Variants in ZMAT4 observed in about 807,000 individuals in gnomAD.
ZMAT4 encodes the protein zinc finger matrin-type protein 4.
A neutral mutation model predicts 28.7 loss-of-function variants in ZMAT4; 17 were observed. That is an observed-to-expected ratio of 0.59 (90% CI 0.41 to 0.89). The LOEUF is 0.89. ZMAT4 is among the 40% of genes least tolerant of loss of function. The probability of loss-of-function intolerance (pLI) is 0.00; values close to 1 mark genes in which losing one functional copy is unlikely to be tolerated. For synonymous variants in ZMAT4, 117 were observed against 109.2 expected, an observed-to-expected ratio of 1.07 and a Z score of -0.44; for missense variants, 240 against 283.8, an observed-to-expected ratio of 0.85 and a Z score of 1.11.
At chr8:40,740,015 T>C (rs1403856123) in intron 3 of ZMAT4, among the ~76,000 whole-genome samples, 1 of 152,184 alleles carries the variant, frequency 6.6e-6, no homozygotes, top group Admixed American at 6.5e-5. Flanking sequence ...GGTGTATATG[T>C]TGCCACATTT....
chr8:40,814,482 T>C (rs1325546451), intron 2 of ZMAT4, among the ~76,000 whole-genome samples: 3 of 152,332 alleles, frequency 2.0e-5, no homozygotes, highest in African/African-American at 7.2e-5. Context: ...AACTGATATG[T>C]GCATCACTAC....
intron 5 of ZMAT4, among the ~76,000 whole-genome samples, 197 bp from the exon 6 acceptor site, chr8:40,581,458 G>T (rs1348838236): frequency 6.6e-6 from 1 of 152,176 alleles, no homozygotes; most frequent in Admixed American, 6.5e-5. Context: ...GTTAGAAGCA[G>T]CTTATTTCAT....
Position 40,675,725 on chromosome 8 carries a change from G to A in ZMAT4, c.350-794C>T, listed in dbSNP as rs116948546. 4.8e-3 allele frequency among the ~76,000 whole-genome samples: 737 copies of A among 152,188 alleles called. 3 individuals are homozygous for A. Among genetic ancestry groups the A allele is most frequent in the Non-Finnish European group, 7.7e-3 (525 of 68,002 alleles). The stretch of plus-strand genomic sequence containing the variant: ...TAGAAACTGATCTTTTGGTGACATG[G>A]GTTGCATTAATTGAGGAAGTCATGC... On this transcript the variant is annotated intron_variant, in intron 4 of 6. Transcript: ENST00000297737.
chr8:40,824,002 T>C (rs1815928153), intron 2 of ZMAT4, among the ~76,000 whole-genome samples: 1 of 152,188 alleles, frequency 6.6e-6, no homozygotes, highest in Admixed American at 6.5e-5. Context: ...AGGTACAATT[T>C]CGATAGATCT....
At chr8:40,707,651 A>G (rs1026618658) in intron 3 of ZMAT4, among the ~76,000 whole-genome samples, 2 of 152,286 alleles carry the variant, frequency 1.3e-5, no homozygotes, top group Non-Finnish European at 2.9e-5. Flanking sequence ...GTGTGTATAT[A>G]AAGTATGTGT....
chr8:40,650,716 AG>A (rs1332113065), intron 5 of ZMAT4, among the ~76,000 whole-genome samples: 1 of 132,476 alleles, frequency 7.5e-6, no homozygotes, highest in Non-Finnish European at 1.6e-5. Context: ...CACATCAAAA[AG>A]CTTATCCACC....
intron 5 of ZMAT4, among the ~76,000 whole-genome samples, chr8:40,661,468 G>C (rs1170977561): frequency 1.3e-5 from 2 of 152,174 alleles, no homozygotes; most frequent in Non-Finnish European, 2.9e-5. Context: ...TCTACTTTGA[G>C]TAAACCTGAC....
intron 3 of ZMAT4, among the ~76,000 whole-genome samples, chr8:40,713,162 A>G (rs1199358743): frequency 6.6e-6 from 1 of 152,178 alleles, no homozygotes; most frequent in Non-Finnish European, 1.5e-5. Context: ...TAACACATTC[A>G]AATTAGTATG....
chr8:40,838,399 G>A (rs1201417430), intron 1 of ZMAT4, among the ~76,000 whole-genome samples: 1 of 152,148 alleles, frequency 6.6e-6, no homozygotes, highest in Non-Finnish European at 1.5e-5. Context: ...CTGGAGTGCA[G>A]TGGCATGATC....
chr8:40,801,351 A>AAAAATATATATATATAT (rs370796453), intron 2 of ZMAT4, among the ~76,000 whole-genome samples: 47 of 97,256 alleles, frequency 4.8e-4, no homozygotes, highest in African/African-American at 1.5e-3. Context: ...TAAAAAAAAA[A>AAAAATATATATATATAT]ATATATATAT....
intron 5 of ZMAT4, among the ~76,000 whole-genome samples, chr8:40,640,007 T>C (rs1392091026): frequency 6.6e-6 from 1 of 152,162 alleles, no homozygotes; most frequent in Non-Finnish European, 1.5e-5. Context: ...TTTTGAGACA[T>C]AGGTCTCACT....
intron 6 of ZMAT4, among the ~76,000 whole-genome samples, chr8:40,552,579 G>C (rs540936255): frequency 2.0e-5 from 3 of 152,252 alleles, no homozygotes; most frequent in African/African-American, 7.2e-5. Context: ...TTTTGCCAGA[G>C]ACATTATATT....
intron 3 of ZMAT4, 80 bp downstream of exon 3, chr8:40,767,561 G>A: frequency 8.5e-7 from 1 of 1,183,374 alleles, no homozygotes; most frequent in Non-Finnish European, 1.2e-6. Flanking sequence ...ATCTGGACTA[G>A]ACTACAATTC....
chr8:40,582,330 G>T (rs1033522940), intron 5 of ZMAT4, among the ~76,000 whole-genome samples: 2 of 152,076 alleles, frequency 1.3e-5, no homozygotes, highest in African/African-American at 4.8e-5. Flanking sequence ...GCAATATCTG[G>T]TCTCAAAAAA....
intron 5 of ZMAT4, among the ~76,000 whole-genome samples, chr8:40,628,541 A>G (rs947006931): frequency 1.3e-4 from 20 of 152,304 alleles, no homozygotes; most frequent in South Asian, 1.2e-3. Flanking sequence ...ATTTTATTAT[A>G]AGACCACATG....
At chr8:40,714,981 G>A (rs1478589081) in intron 3 of ZMAT4, among the ~76,000 whole-genome samples, 8 of 145,614 alleles carry the variant, frequency 5.5e-5, no homozygotes, top group East Asian at 2.1e-4. Flanking sequence ...CTCAGGAGTC[G>A]GAGGTTGCAG....
chr8:40,670,129 C>T lies in ZMAT4; in HGVS notation c.577+4575G>A, dbSNP rs187768291. 5.3e-5 allele frequency among the ~76,000 whole-genome samples: 8 copies of T among 152,244 alleles called. No individual in the cohort carries two copies. The East Asian group carries it at 1.5e-3, about 29-fold the overall frequency. ...AAGAAGAAGAAAGTTGGAGAACTTG[C>T]ACTACCTCATTTCGAGACTTCTAGA... On this transcript the variant is annotated intron_variant, in intron 5 of 6. Coordinates refer to ENST00000297737, the MANE Select transcript of ZMAT4 (RefSeq NM_024645.3).
chr8:40,650,658 A>C, intron 5 of ZMAT4, among the ~76,000 whole-genome samples: 3 of 124,698 alleles, frequency 2.4e-5, no homozygotes, highest in Non-Finnish European at 3.4e-5. Context: ...CTTGATGAAC[A>C]TTGATGCAAA....
intron 1 of ZMAT4, among the ~76,000 whole-genome samples, chr8:40,889,082 G>A (rs1818572591): frequency 6.6e-6 from 1 of 152,206 alleles, no homozygotes. Flanking sequence ...TTTGCTCGGA[G>A]CCTCAACTTC....
Sources: allele counts gnomAD v4.1 joint callset (sites outside exome capture counted in the v4.1 genomes callset), GRCh38; gene constraint gnomAD v4.1.1; transcripts MANE v1.5; gene names NCBI Gene and HGNC (gene_info 2026-07-23, HGNC 2026-07-21).